Variants in RBFOX1 observed in about 807,000 individuals in gnomAD.
RBFOX1 encodes the protein RNA binding fox-1 homolog 1, also known as RNA binding protein fox-1 homolog 1.
Under a neutral mutation model 57.7 loss-of-function variants are expected in RBFOX1, and 8 were observed. That is an observed-to-expected ratio of 0.14 (90% CI 0.08 to 0.25). The LOEUF (loss-of-function observed/expected upper bound fraction) is 0.25. Among genes scored for constraint, RBFOX1 ranks in the 10% least tolerant of loss-of-function variants. The pLI, the probability that RBFOX1 is intolerant of heterozygous loss-of-function variation, is 1.00. For missense variants in RBFOX1, 611 were observed against 548.5 expected (o/e 1.11, Z -1.14); for synonymous variants, 326 against 222.4 (o/e 1.47, Z -4.15).
chr16:6,260,894 G>C (rs1048178644), intron 1 of RBFOX1, among the ~76,000 whole-genome samples: 1 of 151,894 alleles, frequency 6.6e-6, no homozygotes, highest in African/African-American at 2.4e-5. Context: ...AAAAAGGAAA[G>C]AAAAAAAGAA....
intron 2 of RBFOX1, among the ~76,000 whole-genome samples, chr16:6,517,713 G>T (rs914652182): frequency 6.6e-6 from 1 of 152,076 alleles, no homozygotes; most frequent in African/African-American, 2.4e-5. Flanking sequence ...ACCCTGTCTT[G>T]CACGATGGTT....
At chr16:5,776,673 G>T (rs998348844) in intron 3 of RBFOX1, among the ~76,000 whole-genome samples, 10 of 152,200 alleles carry the variant, frequency 6.6e-5, no homozygotes, top group Admixed American at 5.9e-4. Flanking sequence ...ATCCCCAGTT[G>T]ACACTAAGCT....
At chr16:7,384,190 A>G (rs1259088486) in intron 4 of RBFOX1, among the ~76,000 whole-genome samples, 1 of 150,794 alleles carries the variant, frequency 6.6e-6, no homozygotes, top group Non-Finnish European at 1.5e-5. Flanking sequence ...TATGAAACAT[A>G]TATGAAATAT....
intron 2 of RBFOX1, among the ~76,000 whole-genome samples, chr16:6,500,792 T>C (rs1299603775): frequency 6.6e-6 from 1 of 152,106 alleles, no homozygotes; most frequent in African/African-American, 2.4e-5. Context: ...AACTGTGATA[T>C]GTGTGCAGGA....
At chr16:5,463,658 G>A (rs1456679111) in intron 1 of RBFOX1, among the ~76,000 whole-genome samples, 2 of 151,944 alleles carry the variant, frequency 1.3e-5, no homozygotes, top group Admixed American at 1.3e-4. Context: ...AAATTAGCCA[G>A]ACGTGCTGAC....
At chr16:5,454,971 C>T (rs1463171442) in intron 1 of RBFOX1, among the ~76,000 whole-genome samples, 1 of 75,032 alleles carries the variant, frequency 1.3e-5, no homozygotes, top group Admixed American at 1.6e-4. Context: ...TTCTTTCTTT[C>T]TTTCTTTCTT....
At chr16:6,755,986 C>G (rs1180545861) in intron 3 of RBFOX1, among the ~76,000 whole-genome samples, 1 of 152,142 alleles carries the variant, frequency 6.6e-6, no homozygotes, top group Admixed American at 6.5e-5. Context: ...TAGCTGAGGT[C>G]AATAAGTGCC....
chr16:6,871,147 G>C (rs544099795), intron 3 of RBFOX1, among the ~76,000 whole-genome samples: 22 of 152,270 alleles, frequency 1.4e-4, no homozygotes, highest in African/African-American at 4.8e-4. Context: ...TTTTGTTTTT[G>C]AATAAACCAA....
intron 1 of RBFOX1, among the ~76,000 whole-genome samples, chr16:6,123,795 C>A (rs1296967315): frequency 2.0e-5 from 3 of 152,132 alleles, no homozygotes; most frequent in Non-Finnish European, 2.9e-5. Flanking sequence ...ATCCCAGCTC[C>A]TCAGGAGGCT....
At chr16:5,402,795 T>G (rs12918698) in intron 1 of RBFOX1, among the ~76,000 whole-genome samples, 22,164 of 152,164 alleles carry the variant, frequency 0.15, 1,867 homozygotes, top group Non-Finnish European at 0.18. Flanking sequence ...TTCCTCTGTT[T>G]CCTCTTCCCT....
chr16:5,858,299 A>C (rs561833785), intron 3 of RBFOX1, among the ~76,000 whole-genome samples: 2 of 152,280 alleles, frequency 1.3e-5, no homozygotes, highest in East Asian at 3.9e-4. Context: ...TCCCTTCTTC[A>C]TAATTAAGCT....
chr16:7,113,884 C>A (rs1045666613), intron 4 of RBFOX1, among the ~76,000 whole-genome samples: 3 of 152,170 alleles, frequency 2.0e-5, no homozygotes, highest in South Asian at 2.1e-4. Context: ...TCGGGTCATG[C>A]ATCTCAGTGT....
At chr16:6,276,590 A>G (rs977047616) in intron 1 of RBFOX1, among the ~76,000 whole-genome samples, 14 of 151,952 alleles carry the variant, frequency 9.2e-5, no homozygotes, top group African/African-American at 3.4e-4. Flanking sequence ...TGATCCTTCC[A>G]CCTTGGCCTC....
At chr16:6,942,255 G>C (rs962276125) in intron 3 of RBFOX1, among the ~76,000 whole-genome samples, 1 of 152,020 alleles carries the variant, frequency 6.6e-6, no homozygotes, top group Non-Finnish European at 1.5e-5. Flanking sequence ...ACTTCAGCCT[G>C]ACTGACCGAG....
intron 1 of RBFOX1, among the ~76,000 whole-genome samples, chr16:6,264,237 G>A (rs370518008): frequency 1.8e-4 from 28 of 152,058 alleles, no homozygotes; most frequent in African/African-American, 6.8e-4. Context: ...GCAGCTTCCT[G>A]TCATGAAAGG....
chr16:6,542,954 G>T (rs1223974384), intron 2 of RBFOX1, among the ~76,000 whole-genome samples: 1 of 152,056 alleles, frequency 6.6e-6, no homozygotes, highest in Non-Finnish European at 1.5e-5. Context: ...TGTCTTCACA[G>T]TGCGGCATCA....
chr16:7,217,994 G>A (rs1459714134), intron 4 of RBFOX1, among the ~76,000 whole-genome samples: 1 of 151,634 alleles, frequency 6.6e-6, no homozygotes, highest in African/African-American at 2.4e-5. Context: ...GTGCATGTGT[G>A]CACGTGCATG....
At chr16:6,137,669 A>G (rs548319907) in intron 1 of RBFOX1, among the ~76,000 whole-genome samples, 1 of 143,728 alleles carries the variant, frequency 7.0e-6, no homozygotes, top group East Asian at 2.0e-4. Context: ...ACTAGAGTGA[A>G]GTGACACAAT....
In RBFOX1 at chr16:7,109,677, A is replaced by G. The variant is rs539374168; in HGVS notation, c.27+57579A>G. ...GGCGCAGATAGTCCTCCTTTATTTA[A>G]ATACACCAGCAGCTGCAAGGAGTAA... On this transcript the variant is annotated intron_variant, in intron 4 of 15. Coordinates refer to ENST00000550418, the MANE Select transcript of RBFOX1 (RefSeq NM_018723.4). Among the ~76,000 whole-genome samples the G allele has an allele frequency of 9.2e-5, 14 of 152,248 alleles. No individual in the cohort carries two copies. In the South Asian group the frequency reaches 2.1e-3, roughly 23 times the overall value.
Sources: allele counts gnomAD v4.1 joint callset (sites outside exome capture counted in the v4.1 genomes callset), GRCh38; gene constraint gnomAD v4.1.1; transcripts MANE v1.5; gene names NCBI Gene and HGNC (gene_info 2026-07-23, HGNC 2026-07-21).